Variants in KDM5B observed in about 807,000 individuals in gnomAD.
KDM5B encodes lysine demethylase 5B.
KDM5B carries 144 observed loss-of-function variants against 193.4 expected under a neutral mutation model. The ratio of observed to expected loss-of-function variants is 0.74; its 90% CI spans 0.65 to 0.86. KDM5B has a LOEUF of 0.86. KDM5B is among the 40% of genes least tolerant of loss of function. The pLI, the probability that KDM5B is intolerant of heterozygous loss-of-function variation, is 0.00. For synonymous variants in KDM5B, 668 were observed against 682.6 expected (o/e 0.98, Z 0.33); for missense variants, 1,833 against 1,886.9 (o/e 0.97, Z 0.53).
chr1:202,784,800 G>A (rs1318578874), intron 1 of KDM5B, among the ~76,000 whole-genome samples: 1 of 152,182 alleles, frequency 6.6e-6, no homozygotes, highest in Non-Finnish European at 1.5e-5. Context: ...AGCACTTTGG[G>A]AGGCCCAGAC....
chr1:202,732,055 AAAC>A, intron 23 of KDM5B, 116 bp from the exon 24 acceptor site: 120 of 661,526 alleles, frequency 1.8e-4, no homozygotes, highest in Middle Eastern at 3.6e-4. Flanking sequence ...AAAAAAAAAA[AAAC>A]AACTTGATTT....
Position 202,767,474 on chromosome 1 carries a change from C to G in KDM5B, c.577-414G>C, listed in dbSNP as rs1656519164. On this transcript the variant is annotated intron_variant, in intron 4 of 26. Transcript: ENST00000367265. ...CAGAGACCGAGGAAGGATGAAATGG[C>G]GGCACCTCACCAAGACCTTTTTTTC... The G allele has an allele frequency of 1.3e-5, 13 of 1,000,980 alleles. 1 individual carries two copies. The South Asian group carries it at 1.7e-4, about 13-fold the overall frequency. 62.0% of individuals were successfully genotyped at this position (1,000,980 alleles called of 1,614,324 possible).
At chr1:202,740,288 A>T (rs1317789675) in intron 20 of KDM5B, among the ~76,000 whole-genome samples, 2 of 127,302 alleles carry the variant, frequency 1.6e-5, no homozygotes, top group South Asian at 5.2e-4. Context: ...GGGGCTCCTC[A>T]CTTTCCAGTA....
chr1:202,750,554 C>G, intron 13 of KDM5B, 105 bp downstream of exon 13: 1 of 1,240,740 alleles, frequency 8.1e-7, no homozygotes, highest in Non-Finnish European at 1.1e-6. Context: ...GGATTATAGG[C>G]ATGAGCTACC....
rs1340285280 is a variant in KDM5B, at chr1:202,749,058, T to G, written c.1903A>C (p.Lys635Gln). The G allele has an allele frequency of 3.7e-6, 6 of 1,614,060 alleles. No homozygotes were observed. Among genetic ancestry groups the G allele is most frequent in the Non-Finnish European group, 5.1e-6 (6 of 1,180,012 alleles). ...CVFSHDEMICKMASKADVLDV... is the reference protein window; with the variant it reads ...CVFSHDEMICQMASKADVLDV... ...AATACATCAGCCTTGGAAGCCATCT[T>G]GCAGATCATCTCATCGTGGGAAAAC... is the stretch of plus-strand genomic sequence containing the variant. The change falls in exon 14 of 27, where the codon AAG becomes CAG. Residue 635 changes from lysine to glutamine, a missense_variant. By Grantham distance (53) the Lys-to-Gln change is moderately conservative. Around this residue, in one of 3 missense-constraint regions of KDM5B, gnomAD observed 1,379 missense variants for 1,349.6 expected, o/e 1.02. Transcript: ENST00000367265.
At chr1:202,799,278 G>A (rs1257259074) in intron 1 of KDM5B, among the ~76,000 whole-genome samples, 2 of 152,126 alleles carry the variant, frequency 1.3e-5, no homozygotes, top group Non-Finnish European at 2.9e-5. Context: ...TAACTAGATT[G>A]AAGACTCTAC....
In KDM5B at chr1:202,755,398, C is replaced by G. The variant is rs1403044442; in HGVS notation, c.1411G>C (p.Val471Leu). ...LNNMPVMEQS[V>L]LAHITADICG... ...ATATCAGCAGTAATATGTGCAAGGA[C>G]AGACTGCTCCATCACTGGCATGTTG... is the stretch of plus-strand genomic sequence containing the variant. Residue 471 changes from valine to leucine, a missense_variant, in exon 11 of 27, where the codon GTC becomes CTC. Transcript: ENST00000367265. 6.2e-7 allele frequency: 1 copy of G among 1,613,808 alleles called. No homozygotes were observed.
At chr1:202,803,443 T>A (rs552555166) in intron 1 of KDM5B, among the ~76,000 whole-genome samples, 9 of 152,326 alleles carry the variant, frequency 5.9e-5, no homozygotes, top group African/African-American at 2.2e-4. Flanking sequence ...TGGCTACTAA[T>A]GTGCCCAATT....
At chr1:202,785,999 TTTTG>T (rs898812725) in intron 1 of KDM5B, among the ~76,000 whole-genome samples, 4 of 151,910 alleles carry the variant, frequency 2.6e-5, no homozygotes, top group Admixed American at 6.6e-5. Flanking sequence ...CAGGCTTGTT[TTTTG>T]TTTGTTTTTG....
chr1:202,740,887 G>T (rs535100633), intron 19 of KDM5B, 75 bp from the exon 20 acceptor site: 2 of 1,439,394 alleles, frequency 1.4e-6, no homozygotes, highest in East Asian at 2.3e-5. Context: ...AAAAAAACTA[G>T]CATTTCAAAG....
Position 202,729,042 on chromosome 1 carries a change from T to C in KDM5B, c.4629A>G (p.Arg1543=). 6.2e-7 allele frequency: 1 copy of C among 1,614,068 alleles called. No homozygotes were observed. Among genetic ancestry groups the C allele is most frequent in the South Asian group, 1.1e-5 (1 of 91,068 alleles). Residue 1543 remains arginine (R), a synonymous_variant, in exon 27 of 27, where the codon CGA becomes CGG. Transcript: ENST00000367265. ...GGTATCTGTTTTTGTGTTTTTACTT[T>C]CGGCTTGGTGCGTCCTTCACAGTAC... The part of the protein sequence containing the change: ...VRCTVKDAPS[R]K
At chr1:202,760,284 C>A in intron 8 of KDM5B, 131 bp downstream of exon 8, 1 of 640,992 alleles carries the variant, frequency 1.6e-6, no homozygotes. Context: ...CCACTGCACT[C>A]CAGCCTGGGC....
intron 2 of KDM5B, among the ~76,000 whole-genome samples, chr1:202,775,302 C>A (rs1179180461): frequency 6.6e-6 from 1 of 151,840 alleles, no homozygotes; most frequent in East Asian, 1.9e-4. Flanking sequence ...CTTTGGGAGG[C>A]CGAGACGGGT....
At chr1:202,768,027 A>G (rs1046113822) in intron 4 of KDM5B, among the ~76,000 whole-genome samples, 1 of 152,222 alleles carries the variant, frequency 6.6e-6, no homozygotes, top group Non-Finnish European at 1.5e-5. Context: ...TGAATTGAGA[A>G]AACAGGTCAT....
intron 7 of KDM5B, among the ~76,000 whole-genome samples, chr1:202,761,555 CAT>C (rs1459444912): frequency 6.6e-6 from 1 of 152,166 alleles, no homozygotes; most frequent in Non-Finnish European, 1.5e-5. Context: ...CAAAAACTCA[CAT>C]GTTGAAGTCC....
chr1:202,802,423 G>C (rs1658114016), intron 1 of KDM5B, among the ~76,000 whole-genome samples: 2 of 151,656 alleles, frequency 1.3e-5, no homozygotes, highest in Non-Finnish European at 2.9e-5. Flanking sequence ...TTTCTTTTTT[G>C]AGCCTGTTGC....
intron 25 of KDM5B, 46 bp downstream of exon 25, chr1:202,730,860 ACCC>A (rs753516741): frequency 6.6e-7 from 1 of 1,519,056 alleles, no homozygotes; most frequent in South Asian, 1.3e-5. Context: ...AATAAAGCAT[ACCC>A]CCACCCCAGA....
At chr1:202,792,084 T>C (rs894151174) in intron 1 of KDM5B, among the ~76,000 whole-genome samples, 1 of 152,224 alleles carries the variant, frequency 6.6e-6, no homozygotes, top group East Asian at 1.9e-4. Context: ...AATTCATTTC[T>C]TCATTCAACA....
intron 1 of KDM5B, among the ~76,000 whole-genome samples, chr1:202,799,423 G>T (rs1352283645): frequency 6.6e-6 from 1 of 152,222 alleles, no homozygotes; most frequent in South Asian, 2.1e-4. Context: ...GGAGGCCGAG[G>T]TGGGCGGGTC....
Sources: allele counts gnomAD v4.1 joint callset (sites outside exome capture counted in the v4.1 genomes callset), GRCh38; gene constraint gnomAD v4.1.1; regional missense constraint gnomAD v4.1.1; transcripts MANE v1.5; gene names NCBI Gene and HGNC (gene_info 2026-07-23, HGNC 2026-07-21).